Variants in TPTE2 observed in about 807,000 individuals in gnomAD.
The protein encoded by TPTE2 is transmembrane phosphoinositide 3-phosphatase and tensin homolog 2.
A neutral mutation model predicts 78.6 loss-of-function variants in TPTE2; 53 were observed. The ratio of observed to expected loss-of-function variants is 0.67; its 90% CI spans 0.54 to 0.85. TPTE2 has a LOEUF of 0.85. TPTE2 is among the 40% of genes least tolerant of loss of function. The probability of loss-of-function intolerance (pLI) is 0.00; values close to 1 mark genes in which losing one functional copy is unlikely to be tolerated. For synonymous variants in TPTE2, 175 were observed against 206.2 expected (o/e 0.85, Z 1.30); for missense variants, 461 against 623.0 (o/e 0.74, Z 2.77).
the TPTE2 span, among the ~76,000 whole-genome samples, chr13:19,546,189 C>G: frequency 6.6e-6 from 1 of 152,200 alleles, no homozygotes; most frequent in East Asian, 1.9e-4. Context: ...CAGAGTGACA[C>G]CACACCTCTT....
chr13:19,428,238 C>A (rs752898844), intron 17 of TPTE2, among the ~76,000 whole-genome samples: 1 of 152,100 alleles, frequency 6.6e-6, no homozygotes, highest in Non-Finnish European at 1.5e-5. Flanking sequence ...CACCTGAGGT[C>A]GGGAGTTTGA....
intron 11 of TPTE2, among the ~76,000 whole-genome samples, chr13:19,450,843 T>C (rs939183405): frequency 2.6e-5 from 4 of 152,164 alleles, no homozygotes; most frequent in African/African-American, 7.2e-5. Flanking sequence ...AAATTGTCTA[T>C]GTCCTCATAA....
At chr13:19,433,945 C>G (rs1031732718) in intron 15 of TPTE2, among the ~76,000 whole-genome samples, 2 of 152,216 alleles carry the variant, frequency 1.3e-5, no homozygotes, top group African/African-American at 4.8e-5. Context: ...CTAGCATCCC[C>G]TTAGTTTCTG....
At chr13:19,462,746 T>C (rs1879008503) in intron 10 of TPTE2, among the ~76,000 whole-genome samples, 1 of 152,082 alleles carries the variant, frequency 6.6e-6, no homozygotes, top group South Asian at 2.1e-4. Flanking sequence ...GGTTTCTTCA[T>C]GTTGGCCATG....
At chr13:19,517,763 A>G (rs145197933) in intron 1 of TPTE2, among the ~76,000 whole-genome samples, 3,858 of 152,248 alleles carry the variant, frequency 0.025, 129 homozygotes, top group African/African-American at 0.075. Context: ...TAGAGTGGGG[A>G]ATAGAACGAG....
chr13:19,532,638 C>T (rs1238034005), intron 1 of TPTE2, among the ~76,000 whole-genome samples: 1 of 152,192 alleles, frequency 6.6e-6, no homozygotes, highest in Non-Finnish European at 1.5e-5. Context: ...TGCCCTCAAC[C>T]CACCTCTCTG....
At chr13:19,428,407 C>G (rs1256255443) in intron 17 of TPTE2, among the ~76,000 whole-genome samples, 1 of 152,018 alleles carries the variant, frequency 6.6e-6, no homozygotes, top group African/African-American at 2.4e-5. Context: ...GAGATTGTGA[C>G]AGTGCACTCC....
intron 17 of TPTE2, among the ~76,000 whole-genome samples, chr13:19,428,100 A>G (rs1876278387): frequency 5.3e-5 from 8 of 152,214 alleles, no homozygotes; most frequent in Admixed American, 5.2e-4. Context: ...AGAGCTCTGA[A>G]AAAAGAATTT....
intron 19 of TPTE2, among the ~76,000 whole-genome samples, chr13:19,424,464 T>C (rs1000081267): frequency 6.6e-6 from 1 of 152,234 alleles, no homozygotes. Context: ...ATTTCTTAGC[T>C]GTATTCCTTA....
At chr13:19,453,261 T>A (rs1372432284) in intron 10 of TPTE2, among the ~76,000 whole-genome samples, 2 of 151,812 alleles carry the variant, frequency 1.3e-5, no homozygotes, top group Admixed American at 1.3e-4. Context: ...ACTCCTGACC[T>A]CAGGTGATCC....
chr13:19,436,438 A>T (rs1877095706), intron 14 of TPTE2, 132 bp from the exon 18 acceptor site: 2 of 837,144 alleles, frequency 2.4e-6, no homozygotes, highest in African/African-American at 3.5e-5. Flanking sequence ...TTTTTGGTAG[A>T]GTCTTGCTCT....
intron 10 of TPTE2, among the ~76,000 whole-genome samples, chr13:19,462,709 A>AT (rs1351743090): frequency 6.6e-6 from 1 of 150,494 alleles, no homozygotes; most frequent in Non-Finnish European, 1.5e-5. Context: ...CACCTAGCTA[A>AT]TTTTTTTCTA....
At chr13:19,477,536 G>A (rs534930355) in intron 4 of TPTE2, among the ~76,000 whole-genome samples, 20 of 152,152 alleles carry the variant, frequency 1.3e-4, no homozygotes, top group Non-Finnish European at 2.6e-4. Flanking sequence ...GGCCAAAAGA[G>A]GTGAATTCTC....
chr13:19,435,788 ACAC>A, intron 15 of TPTE2, among the ~76,000 whole-genome samples: 2 of 151,048 alleles, frequency 1.3e-5, no homozygotes, highest in African/African-American at 2.4e-5. Context: ...ACACACACAC[ACAC>A]ACCAGGAGTC....
chr13:19,528,227 A>AT (rs893007144), intron 1 of TPTE2, among the ~76,000 whole-genome samples: 14 of 151,058 alleles, frequency 9.3e-5, no homozygotes, highest in Non-Finnish European at 1.0e-4. Flanking sequence ...ACTAAAAAAA[A>AT]ATATAAAAAA....
chr13:19,560,085 A>G, the TPTE2 span: 2 of 551,026 alleles, frequency 3.6e-6, no homozygotes, highest in Non-Finnish European at 6.1e-6. Flanking sequence ...GCTTCACCCC[A>G]TAGAAATGGG....
intron 10 of TPTE2, among the ~76,000 whole-genome samples, chr13:19,456,880 A>G (rs1281753501): frequency 6.6e-6 from 1 of 152,200 alleles, no homozygotes; most frequent in African/African-American, 2.4e-5. Flanking sequence ...GATAGTTTTT[A>G]AACAAAGAAG....
Position 19,448,147 on chromosome 13 carries a change from C to G in TPTE2, c.973+1929G>C, listed in dbSNP as rs1009956761. Among the ~76,000 whole-genome samples the G allele has an allele frequency of 8.0e-4, 121 of 152,134 alleles. 1 individual carries two copies. Among genetic ancestry groups the G allele is most frequent in the African/African-American group, 2.6e-3 (107 of 41,444 alleles). On this transcript the variant is annotated intron_variant, in intron 13 of 19. Transcript: ENST00000400230. ...ATCCACTTGCAGAAAAATGAAATTG[C>G]AACCTATCTCACCCAATATACAAAA...
At chr13:19,521,572 C>A (rs1566075751) in intron 1 of TPTE2, among the ~76,000 whole-genome samples, 1 of 151,948 alleles carries the variant, frequency 6.6e-6, no homozygotes, top group Non-Finnish European at 1.5e-5. Flanking sequence ...TTAATACAAT[C>A]ATTGATAAAG....
Sources: allele counts gnomAD v4.1 joint callset (sites outside exome capture counted in the v4.1 genomes callset), GRCh38; gene constraint gnomAD v4.1.1; transcripts MANE v1.5; gene names NCBI Gene and HGNC (gene_info 2026-07-23, HGNC 2026-07-21).